The following GPR139 variants were observed in gnomAD, a reference collection of about 807,000 sequenced individuals.
GPR139 encodes G protein-coupled receptor 139.
Under a neutral mutation model 25.8 loss-of-function variants are expected in GPR139, and 12 were observed. The observed-to-expected ratio is 0.47, with a 90% CI of 0.30 to 0.75. GPR139 has a LOEUF of 0.75. Among genes scored for constraint, GPR139 ranks in the 30% least tolerant of loss-of-function variants. The pLI, the probability that GPR139 is intolerant of heterozygous loss-of-function variation, is 0.07. For synonymous variants in GPR139, 184 were observed against 179.9 expected (o/e 1.02, Z -0.18); for missense variants, 380 against 450.2 (o/e 0.84, Z 1.41).
At chr16:20,063,364 C>T (rs2057420717) in intron 1 of GPR139, among the ~76,000 whole-genome samples, 1 of 152,164 alleles carries the variant, frequency 6.6e-6, no homozygotes, top group Non-Finnish European at 1.5e-5. Flanking sequence ...AAACTGAGTG[C>T]AGTGGCATGT....
intron 1 of GPR139, among the ~76,000 whole-genome samples, chr16:20,034,415 G>A (rs566690919): frequency 6.6e-6 from 1 of 152,206 alleles, no homozygotes; most frequent in Non-Finnish European, 1.5e-5. Context: ...TATAGATACA[G>A]TTGAAGTCTC....
intron 1 of GPR139, among the ~76,000 whole-genome samples, chr16:20,070,751 C>T (rs1596472775): frequency 6.6e-6 from 1 of 152,340 alleles, no homozygotes; most frequent in African/African-American, 2.4e-5. Flanking sequence ...ATTAAAATCT[C>T]AGTTTTCAAC....
Position 20,032,362 on chromosome 16 carries a change from G to C in GPR139, c.435C>G (p.Thr145=). 6.2e-7 allele frequency: 1 copy of C among 1,614,208 alleles called. No homozygotes were observed. Among genetic ancestry groups the C allele is most frequent in the Non-Finnish European group, 8.5e-7 (1 of 1,180,038 alleles). The change falls in exon 2 of 2, where the codon ACC becomes ACG. Residue 145 remains threonine, a synonymous_variant. Transcript: ENST00000570682. ...KYHTVSYPAR[T]RKVIVSVYIT... Reference sequence around the variant, plus strand: ...TGTAAACACTTACAATGACTTTCCGGGTGCGGGCTGGGTATGAGACCGTGT... The same window carrying C: ...TGTAAACACTTACAATGACTTTCCGCGTGCGGGCTGGGTATGAGACCGTGT...
At chr16:20,064,304 G>A (rs555808439) in intron 1 of GPR139, among the ~76,000 whole-genome samples, 10 of 152,332 alleles carry the variant, frequency 6.6e-5, no homozygotes, top group Non-Finnish European at 7.3e-5. Flanking sequence ...ACTTTGGGAA[G>A]CCGAGGTGGG....
chr16:20,060,298 T>G (rs2057407616), intron 1 of GPR139, among the ~76,000 whole-genome samples: 1 of 151,874 alleles, frequency 6.6e-6, no homozygotes, highest in Non-Finnish European at 1.5e-5. Context: ...TGTGTCTATA[T>G]GTGTATCTCT....
chr16:20,059,061 G>A (rs2764779), intron 1 of GPR139, among the ~76,000 whole-genome samples: 110,938 of 152,024 alleles, frequency 0.73, 41,549 homozygotes, highest in East Asian at 0.98. Context: ...GAGAGGGTGG[G>A]TGTGAACATG....
intron 1 of GPR139, among the ~76,000 whole-genome samples, chr16:20,048,707 G>A (rs1341274082): frequency 6.6e-6 from 1 of 152,188 alleles, no homozygotes; most frequent in Non-Finnish European, 1.5e-5. Flanking sequence ...AGGCTTGCAA[G>A]CAACACAGTT....
At chr16:20,049,190 A>T (rs1159064025) in intron 1 of GPR139, among the ~76,000 whole-genome samples, 2 of 152,130 alleles carry the variant, frequency 1.3e-5, no homozygotes, top group Non-Finnish European at 2.9e-5. Context: ...CACTCCATCA[A>T]TGTTTGTGGG....
At position 20,029,014 on chromosome 16, in the gene GPR139, A is replaced by C. The variant is rs1644856417; in HGVS notation, c.*2721T>G. On this transcript the variant is annotated 3_prime_UTR_variant, in exon 2 of 2. Coordinates refer to ENST00000570682, the MANE Select transcript of GPR139 (RefSeq NM_001002911.4). ...TTTCATGATGTCCATAATTATTACT[A>C]TAAATAATAATAAAAGTCCTTAGAT... Among the ~76,000 whole-genome samples the C allele has an allele frequency of 6.6e-6, 1 of 152,224 alleles. No homozygotes were observed. The highest frequency in any genetic ancestry group is 2.1e-4 in the South Asian group (1 of 4,830).
At chr16:20,070,610 G>T (rs2057456307) in intron 1 of GPR139, among the ~76,000 whole-genome samples, 2 of 152,224 alleles carry the variant, frequency 1.3e-5, no homozygotes, top group Non-Finnish European at 2.9e-5. Context: ...ACTTTCCTGT[G>T]ATACTAGCTC....
chr16:20,065,194 C>G (rs549865422), intron 1 of GPR139, among the ~76,000 whole-genome samples: 2 of 152,300 alleles, frequency 1.3e-5, no homozygotes, highest in South Asian at 4.1e-4. Flanking sequence ...TCACAAAGTG[C>G]TGGCTCACAT....
At chr16:20,055,499 A>G (rs2057385808) in intron 1 of GPR139, among the ~76,000 whole-genome samples, 1 of 152,212 alleles carries the variant, frequency 6.6e-6, no homozygotes, top group Admixed American at 6.5e-5. Flanking sequence ...TCCAGTGTAA[A>G]AAACAGAGCT....
chr16:20,040,064 C>A (rs1401769713), intron 1 of GPR139, among the ~76,000 whole-genome samples: 2 of 152,156 alleles, frequency 1.3e-5, no homozygotes, highest in Non-Finnish European at 2.9e-5. Flanking sequence ...ATGTGTAGGG[C>A]CTCTGGTTGA....
chr16:20,047,743 T>C (rs1456208602), intron 1 of GPR139, among the ~76,000 whole-genome samples: 1 of 152,126 alleles, frequency 6.6e-6, no homozygotes, highest in Non-Finnish European at 1.5e-5. Context: ...GAAAGACAGG[T>C]GGCAGAGTAC....
At chr16:20,046,792 G>A (rs971373028) in intron 1 of GPR139, among the ~76,000 whole-genome samples, 1 of 152,144 alleles carries the variant, frequency 6.6e-6, no homozygotes, top group Admixed American at 6.5e-5. Context: ...AAAATGGCCA[G>A]GCTCAGTGGC....
At chr16:20,057,205 T>C (rs914984146) in intron 1 of GPR139, among the ~76,000 whole-genome samples, 2 of 152,210 alleles carry the variant, frequency 1.3e-5, no homozygotes, top group Non-Finnish European at 2.9e-5. Flanking sequence ...ATCTCAGCTC[T>C]GCTGCTCACT....
intron 1 of GPR139, among the ~76,000 whole-genome samples, chr16:20,072,709 G>A (rs367600010): frequency 2.6e-4 from 40 of 152,296 alleles, no homozygotes; most frequent in African/African-American, 9.6e-4. Flanking sequence ...ACTTTGGAAA[G>A]GACATTAAGA....
chr16:20,057,821 C>T (rs533129820), intron 1 of GPR139, among the ~76,000 whole-genome samples: 54 of 152,296 alleles, frequency 3.5e-4, no homozygotes, highest in Admixed American at 5.2e-4. Context: ...TGCCCTCACC[C>T]CTCACCACCC....
chr16:20,063,677 C>G (rs1452152618), intron 1 of GPR139, among the ~76,000 whole-genome samples: 1 of 152,126 alleles, frequency 6.6e-6, no homozygotes, highest in Non-Finnish European at 1.5e-5. Flanking sequence ...CAAAACAAAC[C>G]AAAAATATCT....
Sources: gnomAD v4.1 joint callset for allele counts (sites outside exome capture counted in the v4.1 genomes callset) on GRCh38, gnomAD v4.1.1 for gene constraint, MANE v1.5 for transcripts, NCBI Gene and HGNC (gene_info 2026-07-23, HGNC 2026-07-21) for gene names.